The following CCP110 variants were observed in gnomAD, a reference collection of about 807,000 sequenced individuals.
The protein encoded by CCP110 is centriolar coiled-coil protein 110.
A neutral mutation model predicts 105.5 loss-of-function variants in CCP110; 43 were observed. That is an observed-to-expected ratio of 0.41 (90% confidence interval 0.32 to 0.53). CCP110 has a LOEUF of 0.53. Among genes scored for constraint, CCP110 ranks in the 20% least tolerant of loss-of-function variants. The pLI, the probability that CCP110 is intolerant of heterozygous loss-of-function variation, is 0.32. For synonymous variants in CCP110, 353 were observed against 392.1 expected, an observed-to-expected ratio of 0.90 and a Z score of 1.18; for missense variants, 1,016 against 1,189.1, an observed-to-expected ratio of 0.85 and a Z score of 2.14.
At position 19,548,571 on chromosome 16, in the gene CCP110, G is replaced by A; in HGVS notation, c.2957G>A (p.Ser986Asn). 6.5e-7 allele frequency: 1 copy of A among 1,549,788 alleles called. No homozygotes were observed. The highest frequency in any genetic ancestry group is 2.4e-5 in the East Asian group (1 of 40,914). The change falls in exon 14 of 15, where the codon AGC becomes AAC. Residue 986 changes from serine (S) to asparagine (N), a missense_variant. Coordinates refer to ENST00000381396, the Ensembl canonical transcript of CCP110. This position sits in a 1 kb window ranked among gnomAD's most constrained non-coding sequence, Gnocchi z 4.1. ...CAAAATAGACAGAAGCCTTCACAGA[G>A]CAGAGTGCCTAACAGAGTGCCTGTT...
At chr16:19,530,953 T>C (rs1003312271) in intron 2 of CCP110, among the ~76,000 whole-genome samples, 2 of 152,110 alleles carry the variant, frequency 1.3e-5, no homozygotes, top group Non-Finnish European at 2.9e-5. Flanking sequence ...TCTTTGGAGA[T>C]GATGCCCTGC....
chr16:19,549,980 A>C (rs912005737), intron 14 of CCP110, among the ~76,000 whole-genome samples: 7 of 152,218 alleles, frequency 4.6e-5, no homozygotes, highest in Non-Finnish European at 4.4e-5. Flanking sequence ...GAAGTTCATT[A>C]TTTTGAACTA....
chr16:19,537,408 G>A (rs1347493049), exon 4 of CCP110: 2 of 1,613,452 alleles, frequency 1.2e-6, no homozygotes, highest in African/African-American at 2.7e-5. Context: ...TTGGATAACA[G>A]TTTTGAGAAA....
At chr16:19,542,570 G>A (rs187401317) in intron 6 of CCP110, 51 bp from the exon 7 acceptor site, 177 of 1,379,904 alleles carry the variant, frequency 1.3e-4, no homozygotes, top group East Asian at 6.7e-4. Context: ...GATGTTCTTC[G>A]TATTCTAATT....
exon 15 of CCP110, chr16:19,552,456 G>T (rs1170499897): frequency 6.6e-6 from 1 of 151,576 alleles, no homozygotes; most frequent in Non-Finnish European, 1.5e-5. Context: ...GAACCTGGGA[G>T]GCAGAGGTTG....
chr16:19,545,962 T>C, intron 11 of CCP110, 72 bp downstream of exon 11: 1 of 835,814 alleles, frequency 1.2e-6, no homozygotes, highest in Non-Finnish European at 2.0e-6. Context: ...TCTATTTGCA[T>C]ATTTAAATTT....
rs1970514158 is a variant in CCP110, at chr16:19,547,886, CG to C, written c.2841-68del. 3 of 1,067,474 alleles carry C rather than the reference CG, an allele frequency of 2.8e-6. No homozygotes were observed. In the African/African-American group the frequency reaches 4.7e-5, roughly 17 times the overall value. The allele number at this position is 1,067,474 out of a possible 1,614,324, so 66.1% of individuals were successfully genotyped here. ...TACCTTACAGTCATCATCTTTCATC[CG>C]TTGAAAGAAAATGGGAAAAAATGGA... On this transcript the variant is annotated intron_variant, in intron 12 of 14. Coordinates refer to ENST00000381396, the Ensembl canonical transcript of CCP110.
exon 15 of CCP110, chr16:19,552,660 C>T (rs1970681047): frequency 6.6e-6 from 1 of 151,804 alleles, no homozygotes; most frequent in Non-Finnish European, 1.5e-5. Context: ...AAAATTGAGA[C>T]AGTGTATATT....
At chr16:19,546,568 G>A in intron 12 of CCP110, 94 bp downstream of exon 12, 1 of 695,634 alleles carries the variant, frequency 1.4e-6, no homozygotes, top group Non-Finnish European at 2.5e-6. Flanking sequence ...TGTAATCCCA[G>A]AACTTTGGGA....
rs777739976 is a variant in CCP110, at chr16:19,527,898, A to C, written c.17A>C (p.Lys6Thr). ...TGTGGGAAGATGGAGGAGTATGAGA[A>C]GTTCTGTGAAAAAAGTCTTGCCAGA... Residue 6 changes from lysine to threonine, a missense_variant, in exon 2 of 15, where the codon AAG becomes ACG. By Grantham distance (78) the Lys-to-Thr change is moderately conservative. Coordinates refer to ENST00000381396, the Ensembl canonical transcript of CCP110. 7 of 1,613,336 alleles carry C rather than the reference A, an allele frequency of 4.3e-6. No homozygotes were observed. In the Admixed American group the frequency reaches 1.2e-4, roughly 27 times the overall value.
intron 8 of CCP110, among the ~76,000 whole-genome samples, chr16:19,544,245 C>T (rs2014500): frequency 0.37 from 55,768 of 151,956 alleles, 11,759 homozygotes; most frequent in East Asian, 0.56. Flanking sequence ...CCCCAATAAT[C>T]GTTAATCTTT....
chr16:19,543,083 T>C, intron 8 of CCP110, 89 bp downstream of exon 8: 3 of 762,376 alleles, frequency 3.9e-6, no homozygotes, highest in Non-Finnish European at 6.7e-6. Context: ...AGTTCAGAAC[T>C]TAAACGCTTT....
At chr16:19,525,461 G>A (rs1969638309) in intron 1 of CCP110, 1 of 152,198 alleles carries the variant, frequency 6.6e-6, no homozygotes, top group Non-Finnish European at 1.5e-5. Flanking sequence ...TGCTGACAGT[G>A]GTAATTGTAG....
chr16:19,539,528 A>AT lies in CCP110; in HGVS notation c.1919-1123dup, dbSNP rs543747116. ...ATGCGCCACCACGCCCAGCTGTTAT[A>AT]TTTTTTGTGGAGACAGGGTTTCACC... On this transcript the variant is annotated intron_variant, in intron 4 of 14. Coordinates refer to ENST00000381396, the Ensembl canonical transcript of CCP110. Among the ~76,000 whole-genome samples, 29 of 151,618 alleles carry AT rather than the reference A, an allele frequency of 1.9e-4. No individual in the cohort carries two copies. In the East Asian group the frequency reaches 5.7e-3, roughly 30 times the overall value.
At chr16:19,540,688 A>C (rs755374220) in exon 5 of CCP110, 3 of 1,612,600 alleles carry the variant, frequency 1.9e-6, no homozygotes, top group Non-Finnish European at 2.5e-6. Context: ...GCAAGATGTT[A>C]GCTTTTGAAG....
At chr16:19,546,647 C>T in intron 12 of CCP110, 173 bp downstream of exon 12, 1 of 448,210 alleles carries the variant, frequency 2.2e-6, no homozygotes, top group Non-Finnish European at 4.0e-6. Context: ...AAAACCCCAT[C>T]TCTACTAAAA....
chr16:19,545,396 A>G (rs1043329164), intron 10 of CCP110, among the ~76,000 whole-genome samples, 186 bp downstream of exon 10: 1 of 152,194 alleles, frequency 6.6e-6, no homozygotes, highest in East Asian at 1.9e-4. Flanking sequence ...TAAGAATTAC[A>G]TATTGTTTTC....
chr16:19,536,322 A>T, exon 4 of CCP110: 1 of 1,613,124 alleles, frequency 6.2e-7, no homozygotes, highest in Non-Finnish European at 8.5e-7. Context: ...CTTTTGGCAG[A>T]AGTCATCCCA....
At chr16:19,536,535 T>C (rs1970064891) in exon 4 of CCP110, 2 of 1,614,176 alleles carry the variant, frequency 1.2e-6, no homozygotes, top group Non-Finnish European at 1.7e-6. Context: ...GTCTCAGTTA[T>C]TCCTGACAAA....
Sources: allele counts gnomAD v4.1 joint callset (sites outside exome capture counted in the v4.1 genomes callset), GRCh38; gene constraint gnomAD v4.1.1; non-coding constraint Gnocchi (gnomAD v3.1); transcripts MANE v1.5; gene names NCBI Gene and HGNC (gene_info 2026-07-23, HGNC 2026-07-21).